ANKFN1: variants seen among roughly 807,000 people sequenced by gnomAD.
ANKFN1 encodes the protein ankyrin repeat and fibronectin type-III domain-containing protein 1.
In ANKFN1, 74 loss-of-function variants were observed where a neutral mutation model predicts 108.7. That is an observed-to-expected ratio of 0.68 (90% CI 0.56 to 0.83). ANKFN1 has a LOEUF of 0.83. ANKFN1 is among the 40% of genes least tolerant of loss of function. The pLI is 0.00. For synonymous variants in ANKFN1, 547 were observed against 516.2 expected (o/e 1.06, Z -0.81); for missense variants, 1,505 against 1,382.3 (o/e 1.09, Z -1.41).
rs757508533 is a variant in ANKFN1 at position 56,161,754 on chromosome 17, C to T, written c.-71+8224C>T. On this transcript the variant is annotated intron_variant, in intron 1 of 20. Transcript: ENST00000682825. ...TACATTAAAAAAAATTAACTTTTCT[C>T]TTAGATTTCAGTAAAAAAAAAAAAT... 8.6e-5 allele frequency among the ~76,000 whole-genome samples: 13 copies of T among 151,452 alleles called. 1 individual carries two copies. Among genetic ancestry groups the T allele is most frequent in the Non-Finnish European group, 1.9e-4 (13 of 67,880 alleles).
intron 1 of ANKFN1, among the ~76,000 whole-genome samples, chr17:56,200,279 A>T (rs1025948188): frequency 2.0e-5 from 3 of 152,246 alleles, no homozygotes; most frequent in Non-Finnish European, 4.4e-5. Flanking sequence ...AAGTGAGTAT[A>T]TCACTTCATC....
At chr17:56,151,170 G>A (rs1463284377), upstream of ANKFN1, among the ~76,000 whole-genome samples, 1 of 152,154 alleles carries the variant, frequency 6.6e-6, no homozygotes, top group East Asian at 1.9e-4. Flanking sequence ...TGACCTTATA[G>A]CATTGGTCCT....
chr17:56,271,929 A>C (rs751887640), intron 3 of ANKFN1, among the ~76,000 whole-genome samples: 2 of 152,186 alleles, frequency 1.3e-5, no homozygotes, highest in African/African-American at 4.8e-5. Context: ...TATCAGATGT[A>C]TAAGTACCAA....
At chr17:56,226,970 G>T (rs1235264900) in intron 2 of ANKFN1, among the ~76,000 whole-genome samples, 1 of 152,076 alleles carries the variant, frequency 6.6e-6, no homozygotes, top group Non-Finnish European at 1.5e-5. Flanking sequence ...ATTAAGAAAT[G>T]GTAGAGCTTG....
chr17:56,187,475 T>C lies in ANKFN1; in HGVS notation c.-70-25123T>C, dbSNP rs536857972. Among the ~76,000 whole-genome samples the C allele has an allele frequency of 7.9e-5, 12 of 152,334 alleles. No individual in the cohort carries two copies. In the East Asian group the frequency reaches 2.1e-3, roughly 27 times the overall value. ...GGATGTGGAGAAATAGGAATACTTT[T>C]ACACTGTTGGTGGGACTGTAAACTA... On this transcript the variant is annotated intron_variant, in intron 1 of 20. Coordinates refer to ENST00000682825, the MANE Select transcript of ANKFN1 (RefSeq NM_001370326.1).
At chr17:56,508,830 G>C (rs1013621656) in intron 20 of ANKFN1, among the ~76,000 whole-genome samples, 1 of 152,178 alleles carries the variant, frequency 6.6e-6, no homozygotes, top group Non-Finnish European at 1.5e-5. Context: ...CCTAGAGACA[G>C]ATATAATTTC....
chr17:56,306,694 C>A (rs921363279), intron 3 of ANKFN1, among the ~76,000 whole-genome samples: 2 of 152,186 alleles, frequency 1.3e-5, no homozygotes, highest in Admixed American at 6.5e-5. Context: ...ACCAAGCTAC[C>A]AATGACTTTC....
intron 1 of ANKFN1, among the ~76,000 whole-genome samples, chr17:56,196,755 A>C (rs9900329): frequency 0.14 from 21,764 of 152,084 alleles, 1,748 homozygotes; most frequent in East Asian, 0.3. Flanking sequence ...AAAAAAACAA[A>C]AAATCCTGAG....
intron 1 of ANKFN1, among the ~76,000 whole-genome samples, chr17:56,188,575 G>GTATATATATATATA (rs1315546547): frequency 3.4e-5 from 3 of 88,248 alleles, no homozygotes; most frequent in African/African-American, 1.1e-4. Context: ...GTGTGTGTGT[G>GTATATATATATATA]TGTGTGTATA....
chr17:56,352,198 G>A (rs796358682), intron 5 of ANKFN1, among the ~76,000 whole-genome samples: 1 of 152,184 alleles, frequency 6.6e-6, no homozygotes, highest in Non-Finnish European at 1.5e-5. Context: ...TTGTAGCAAA[G>A]AAAACTGCAT....
In ANKFN1 at chr17:56,227,894, C is replaced by CT. The variant is rs1232619765; in HGVS notation, c.13-16dup. On this transcript the variant is annotated intron_variant, in intron 2 of 20. Transcript: ENST00000682825. ...GATTACTGTACAATTTTTTAACATT[C>CT]TTTTTTTCTTTCTTTGTTTCAGAGG... 4 of 1,591,968 alleles carry CT rather than the reference C, an allele frequency of 2.5e-6. No homozygotes were observed. In the Admixed American group the frequency reaches 5.3e-5, roughly 21 times the overall value.
At chr17:56,069,467 G>C (rs968100053) in intron 4 of ANKFN1, among the ~76,000 whole-genome samples, 7 of 152,168 alleles carry the variant, frequency 4.6e-5, no homozygotes, top group African/African-American at 1.7e-4. Flanking sequence ...TGTGACAACT[G>C]GACATTCCTC....
chr17:56,498,989 C>T lies in ANKFN1; in HGVS notation c.2535C>T (p.Pro845=). ...SGLPITKLID[P]SDEQSLKKIN... ...TGCCCATCACTAAGCTGATAGACCC[C>T]TCAGATGAGCAGAGCCTAAAGAAGA... The change falls in exon 20 of 21, where the codon CCC becomes CCT. Residue 845 remains proline, a synonymous_variant. Transcript: ENST00000682825. 6.5e-7 allele frequency: 1 copy of T among 1,535,772 alleles called. No homozygotes were observed. Among genetic ancestry groups the T allele is most frequent in the Non-Finnish European group, 8.7e-7 (1 of 1,146,664 alleles).
chr17:56,305,503 T>C (rs985321030), intron 3 of ANKFN1, among the ~76,000 whole-genome samples: 1 of 152,228 alleles, frequency 6.6e-6, no homozygotes, highest in Non-Finnish European at 1.5e-5. Flanking sequence ...TATTTGGTTT[T>C]TATGGTTGAG....
At chr17:56,421,296 A>G (rs1442251805) in intron 8 of ANKFN1, among the ~76,000 whole-genome samples, 3 of 152,214 alleles carry the variant, frequency 2.0e-5, no homozygotes, top group African/African-American at 4.8e-5. Flanking sequence ...AGATGCCTCA[A>G]TGAGGAACAC....
At chr17:56,050,714 G>A (rs1361217388) in intron 4 of ANKFN1, among the ~76,000 whole-genome samples, 40 of 151,940 alleles carry the variant, frequency 2.6e-4, no homozygotes, top group African/African-American at 6.5e-4. Flanking sequence ...GATATGCGGC[G>A]TTATTTCTGA....
intron 3 of ANKFN1, among the ~76,000 whole-genome samples, chr17:56,283,524 G>A (rs2044138383): frequency 7.1e-6 from 1 of 141,532 alleles, no homozygotes; most frequent in South Asian, 2.1e-4. Flanking sequence ...AAGAAACTGT[G>A]ATATATATAT....
intron 4 of ANKFN1, among the ~76,000 whole-genome samples, chr17:56,341,353 T>G (rs953819224): frequency 2.6e-5 from 4 of 151,986 alleles, no homozygotes; most frequent in African/African-American, 9.7e-5. Context: ...TGAATAGGAG[T>G]AGTGGGAGAG....
chr17:56,085,684 A>G (rs534985668), intron 4 of ANKFN1, among the ~76,000 whole-genome samples: 8 of 151,462 alleles, frequency 5.3e-5, no homozygotes, highest in Admixed American at 3.9e-4. Context: ...GTGGATGCGC[A>G]AGGGACTTTC....
Sources: gnomAD v4.1 joint callset for allele counts (sites outside exome capture counted in the v4.1 genomes callset) on GRCh38, gnomAD v4.1.1 for gene constraint, MANE v1.5 for transcripts, NCBI Gene and HGNC (gene_info 2026-07-23, HGNC 2026-07-21) for gene names.